Variants in ABLIM1 observed in about 807,000 individuals in gnomAD.
ABLIM1 encodes actin binding LIM protein 1, also known as actin-binding LIM protein 1.
A neutral mutation model predicts 107.0 loss-of-function variants in ABLIM1; 40 were observed. The observed-to-expected ratio is 0.37, with a 90% CI of 0.29 to 0.49. The LOEUF is 0.49. Ranked by LOEUF, ABLIM1 falls within the 20% of genes least tolerant of loss-of-function variation. ABLIM1 has a pLI of 0.97. For synonymous variants in ABLIM1, 357 were observed against 357.3 expected (o/e 1.00, Z 0.01); for missense variants, 857 against 1,008.5 (o/e 0.85, Z 2.04).
At chr10:114,454,781 A>T (rs2062491523) in intron 12 of ABLIM1, among the ~76,000 whole-genome samples, 2 of 152,200 alleles carry the variant, frequency 1.3e-5, no homozygotes, top group African/African-American at 4.8e-5. Context: ...AGGACTATTA[A>T]AGCTCAATAA....
chr10:114,658,609 A>C (rs927933590), upstream of ABLIM1, among the ~76,000 whole-genome samples: 1 of 152,210 alleles, frequency 6.6e-6, no homozygotes, highest in African/African-American at 2.4e-5. Flanking sequence ...ATAATCTAAA[A>C]ATGTCTATCA....
At chr10:114,792,745 C>T in the ABLIM1 span, among the ~76,000 whole-genome samples, 2 of 152,138 alleles carry the variant, frequency 1.3e-5, no homozygotes, top group South Asian at 4.1e-4. Flanking sequence ...TTTATATTTC[C>T]AGCTTGGACC....
chr10:114,759,387 G>A (rs1421285144), intron 1 of ABLIM1, among the ~76,000 whole-genome samples: 1 of 152,114 alleles, frequency 6.6e-6, no homozygotes, highest in Admixed American at 6.5e-5. Flanking sequence ...AAAAAATAGA[G>A]CCTTTCCCAT....
At chr10:114,732,277 A>G (rs1370753450) in intron 1 of ABLIM1, among the ~76,000 whole-genome samples, 4 of 143,092 alleles carry the variant, frequency 2.8e-5, no homozygotes, top group Non-Finnish European at 6.0e-5. Flanking sequence ...TCCACCTCCC[A>G]GATTCAAGCG....
chr10:114,633,006 CCT>C (rs1199421285), intron 1 of ABLIM1, among the ~76,000 whole-genome samples: 7 of 152,180 alleles, frequency 4.6e-5, no homozygotes, highest in Admixed American at 2.0e-4. Flanking sequence ...CTGACTCCAG[CCT>C]CTGTCTCCCA....
intron 21 of ABLIM1, 84 bp from the exon 22 acceptor site, chr10:114,438,008 A>G (rs1350923773): frequency 1.6e-6 from 2 of 1,274,168 alleles, no homozygotes; most frequent in East Asian, 2.3e-5. Context: ...TAGTACTCCC[A>G]AGATAGAGCT....
chr10:114,703,804 G>T (rs528803430), intron 1 of ABLIM1, among the ~76,000 whole-genome samples: 1 of 152,328 alleles, frequency 6.6e-6, no homozygotes, highest in Admixed American at 6.5e-5. Flanking sequence ...GAGCCCAGAA[G>T]GGTCGCAGAT....
chr10:114,494,734 C>A (rs759091995), intron 6 of ABLIM1, among the ~76,000 whole-genome samples: 2 of 152,148 alleles, frequency 1.3e-5, no homozygotes, highest in African/African-American at 4.8e-5. Flanking sequence ...ATAAAATAAC[C>A]ACATAAGCTA....
intron 6 of ABLIM1, among the ~76,000 whole-genome samples, chr10:114,541,011 C>T (rs1241409544): frequency 6.6e-6 from 1 of 152,008 alleles, no homozygotes; most frequent in Non-Finnish European, 1.5e-5. Flanking sequence ...GCCCTGAATC[C>T]AATGACAAGT....
intron 6 of ABLIM1, among the ~76,000 whole-genome samples, chr10:114,542,422 A>G (rs2066785738): frequency 6.8e-6 from 1 of 148,148 alleles, no homozygotes; most frequent in Non-Finnish European, 1.5e-5. Flanking sequence ...AAAAAAAAAA[A>G]GAAAGAAAGA....
intron 7 of ABLIM1, among the ~76,000 whole-genome samples, chr10:114,491,026 G>GT (rs2058919541): frequency 1.4e-5 from 1 of 70,280 alleles, no homozygotes; most frequent in African/African-American, 6.0e-5. Context: ...ATATATATAT[G>GT]GTCTATTTTA....
At chr10:114,588,966 T>G (rs1171822071) in intron 2 of ABLIM1, among the ~76,000 whole-genome samples, 1 of 152,136 alleles carries the variant, frequency 6.6e-6, no homozygotes, top group East Asian at 1.9e-4. Flanking sequence ...GATATTTCAG[T>G]CAACAACAGA....
At chr10:114,552,818 C>T (rs2068236492) in intron 4 of ABLIM1, among the ~76,000 whole-genome samples, 1 of 152,158 alleles carries the variant, frequency 6.6e-6, no homozygotes, top group Non-Finnish European at 1.5e-5. Context: ...AGAGATCATG[C>T]ATGGTAAAGT....
chr10:114,461,096 C>T (rs1038826959), intron 12 of ABLIM1, among the ~76,000 whole-genome samples: 2 of 151,042 alleles, frequency 1.3e-5, no homozygotes, highest in Non-Finnish European at 2.9e-5. Flanking sequence ...CAGGGTTTTG[C>T]TCTGTCACCT....
intron 4 of ABLIM1, among the ~76,000 whole-genome samples, chr10:114,554,885 T>C (rs1157319579): frequency 6.6e-6 from 1 of 152,174 alleles, no homozygotes; most frequent in East Asian, 1.9e-4. Context: ...AAATTCCAGC[T>C]CTGACACTGA....
chr10:114,525,991 G>A (rs1411116201), intron 6 of ABLIM1, among the ~76,000 whole-genome samples: 18 of 152,166 alleles, frequency 1.2e-4, no homozygotes, highest in African/African-American at 4.3e-4. Context: ...TGGGTTTTTA[G>A]GAAAACTATT....
intron 1 of ABLIM1, among the ~76,000 whole-genome samples, chr10:114,717,537 T>C (rs550582273): frequency 6.6e-6 from 1 of 152,110 alleles, no homozygotes; most frequent in African/African-American, 2.4e-5. Context: ...CCAGTTGTGA[T>C]AAAAACATCT....
chr10:114,741,991 T>A (rs1331359785), intron 1 of ABLIM1, among the ~76,000 whole-genome samples: 1 of 152,206 alleles, frequency 6.6e-6, no homozygotes, highest in African/African-American at 2.4e-5. Context: ...AGGAAAACCA[T>A]AACAAAACAT....
chr10:114,443,672 TAAAA>T (rs11418258), intron 17 of ABLIM1, among the ~76,000 whole-genome samples: 1 of 107,366 alleles, frequency 9.3e-6, no homozygotes, highest in Non-Finnish European at 1.8e-5. Flanking sequence ...TCATGTTATC[TAAAA>T]AAAAAAAAAA....
Sources: gnomAD v4.1 joint callset for allele counts (sites outside exome capture counted in the v4.1 genomes callset) on GRCh38, gnomAD v4.1.1 for gene constraint, MANE v1.5 for transcripts, NCBI Gene and HGNC (gene_info 2026-07-23, HGNC 2026-07-21) for gene names.